Variants in NCAM2 observed in about 807,000 individuals in gnomAD.
NCAM2 encodes neural cell adhesion molecule 2.
A neutral mutation model predicts 98.1 loss-of-function variants in NCAM2; 30 were observed. The observed-to-expected ratio is 0.31, with a 90% CI of 0.23 to 0.41. The LOEUF (loss-of-function observed/expected upper bound fraction) is 0.41, where lower values mean the gene tolerates loss of function less well. NCAM2 is among the 10% of genes least tolerant of loss of function. NCAM2 has a pLI of 1.00. For missense variants in NCAM2, 867 were observed against 1,005.8 expected, an observed-to-expected ratio of 0.86 and a Z score of 1.87; for synonymous variants, 368 against 342.4, an observed-to-expected ratio of 1.07 and a Z score of -0.83.
intron 13 of NCAM2, among the ~76,000 whole-genome samples, chr21:21,467,977 T>C (rs1245462454): frequency 1.3e-5 from 2 of 152,208 alleles, no homozygotes; most frequent in African/African-American, 4.8e-5. Flanking sequence ...TGGTCTGTTT[T>C]TCTTGGCCCT....
chr21:21,244,006 C>A (rs73316789), intron 1 of NCAM2, among the ~76,000 whole-genome samples: 2,934 of 152,096 alleles, frequency 0.019, 96 homozygotes, highest in African/African-American at 0.067. Flanking sequence ...GGAATAGGAC[C>A]CAAGCATGGG....
At chr21:21,368,731 A>G (rs913545942) in intron 8 of NCAM2, among the ~76,000 whole-genome samples, 1 of 151,782 alleles carries the variant, frequency 6.6e-6, no homozygotes, top group East Asian at 1.9e-4. Flanking sequence ...CAAAGGCCCA[A>G]CCTCCAAAAA....
At chr21:21,340,573 A>G (rs919718153) in intron 8 of NCAM2, among the ~76,000 whole-genome samples, 3 of 151,988 alleles carry the variant, frequency 2.0e-5, no homozygotes, top group Non-Finnish European at 2.9e-5. Context: ...TAGAAACTCA[A>G]ATATGCTTTT....
At chr21:21,301,285 G>C (rs1374000542) in intron 5 of NCAM2, among the ~76,000 whole-genome samples, 1 of 151,720 alleles carries the variant, frequency 6.6e-6, no homozygotes, top group Admixed American at 6.6e-5. Context: ...TTGTTTCTGG[G>C]GACTCAGCCA....
intron 1 of NCAM2, among the ~76,000 whole-genome samples, chr21:21,179,514 C>G (rs1357737241): frequency 6.6e-6 from 1 of 152,148 alleles, no homozygotes; most frequent in Non-Finnish European, 1.5e-5. Context: ...TGACATTCTC[C>G]CCACATGCTA....
At chr21:21,004,549 A>C (rs1284282302) in intron 1 of NCAM2, among the ~76,000 whole-genome samples, 1 of 152,246 alleles carries the variant, frequency 6.6e-6, no homozygotes, top group Admixed American at 6.5e-5. Flanking sequence ...GTTGATAATT[A>C]CAAAAACAAA....
At chr21:21,360,798 A>C (rs781540518) in intron 8 of NCAM2, among the ~76,000 whole-genome samples, 1 of 151,980 alleles carries the variant, frequency 6.6e-6, no homozygotes, top group East Asian at 1.9e-4. Context: ...AAAATCCCAC[A>C]GTAATTTTAA....
At chr21:21,070,239 C>T (rs947004678) in intron 1 of NCAM2, among the ~76,000 whole-genome samples, 1 of 148,564 alleles carries the variant, frequency 6.7e-6, no homozygotes, top group African/African-American at 2.5e-5. Context: ...AGTACACACA[C>T]CTATATAACC....
intron 16 of NCAM2, among the ~76,000 whole-genome samples, chr21:21,520,251 A>G: frequency 6.6e-6 from 1 of 152,146 alleles, no homozygotes; most frequent in African/African-American, 2.4e-5. Flanking sequence ...GGAAACTTTT[A>G]TTCTGGCAGG....
intron 16 of NCAM2, among the ~76,000 whole-genome samples, chr21:21,522,219 ATGAC>A (rs1224227706): frequency 2.0e-5 from 3 of 148,018 alleles, no homozygotes; most frequent in South Asian, 2.1e-4. Context: ...TTATATATGA[ATGAC>A]TATTATATTT....
chr21:21,134,064 C>T (rs1190702242), intron 1 of NCAM2, among the ~76,000 whole-genome samples: 1 of 137,504 alleles, frequency 7.3e-6, no homozygotes, highest in East Asian at 2.1e-4. Context: ...CACTTCCTCT[C>T]TTTTTTTTTT....
intron 1 of NCAM2, among the ~76,000 whole-genome samples, chr21:21,000,297 G>A (rs74373872): frequency 3.3e-5 from 5 of 152,210 alleles, no homozygotes; most frequent in African/African-American, 1.2e-4. Flanking sequence ...GGTAGTGTGG[G>A]GCAGAATGGG....
At chr21:21,080,577 T>G (rs984569674) in intron 1 of NCAM2, among the ~76,000 whole-genome samples, 3 of 143,974 alleles carry the variant, frequency 2.1e-5, no homozygotes, top group Admixed American at 7.4e-5. Context: ...GATTGGGCCA[T>G]TGCACTCCAG....
intron 15 of NCAM2, among the ~76,000 whole-genome samples, chr21:21,503,639 A>C (rs1478884394): frequency 6.6e-6 from 1 of 151,964 alleles, no homozygotes; most frequent in East Asian, 1.9e-4. Flanking sequence ...GGACTACTGT[A>C]TATAAGACAT....
chr21:21,056,406 CAGTTATCAAG>C (rs1378326659), intron 1 of NCAM2, among the ~76,000 whole-genome samples: 5 of 151,768 alleles, frequency 3.3e-5, no homozygotes, highest in African/African-American at 1.2e-4. Context: ...TCATCTGACT[CAGTTATCAAG>C]TTGCAAAAAT....
chr21:21,475,474 T>A (rs902603446), intron 14 of NCAM2, among the ~76,000 whole-genome samples: 14 of 152,160 alleles, frequency 9.2e-5, no homozygotes, highest in Non-Finnish European at 1.8e-4. Context: ...AATTGATGAA[T>A]GAGTGGGTGA....
chr21:21,522,531 G>C (rs970544099), intron 16 of NCAM2, among the ~76,000 whole-genome samples: 1 of 151,110 alleles, frequency 6.6e-6, no homozygotes, highest in Non-Finnish European at 1.5e-5. Flanking sequence ...GCAGCAGAAA[G>C]AATATCCTTT....
At chr21:21,356,238 C>T (rs1254713392) in intron 8 of NCAM2, among the ~76,000 whole-genome samples, 1 of 152,046 alleles carries the variant, frequency 6.6e-6, no homozygotes, top group Non-Finnish European at 1.5e-5. Context: ...AACACTGCTG[C>T]ATTCATTATT....
chr21:21,474,497 G>T (rs1405301117), intron 14 of NCAM2, among the ~76,000 whole-genome samples: 1 of 151,802 alleles, frequency 6.6e-6, no homozygotes, highest in Middle Eastern at 3.4e-3. Flanking sequence ...TCCCTCTAAA[G>T]AATACTTTTT....
Sources: gnomAD v4.1 joint callset for allele counts (sites outside exome capture counted in the v4.1 genomes callset) on GRCh38, gnomAD v4.1.1 for gene constraint, MANE v1.5 for transcripts, NCBI Gene and HGNC (gene_info 2026-07-23, HGNC 2026-07-21) for gene names.